FZD8: variants seen among roughly 807,000 people sequenced by gnomAD.
The protein encoded by FZD8 is frizzled class receptor 8.
Under a neutral mutation model 46.0 loss-of-function variants are expected in FZD8, and 18 were observed. The ratio of observed to expected loss-of-function variants is 0.39; its 90% CI spans 0.27 to 0.58. The LOEUF is 0.58. Among genes scored for constraint, FZD8 ranks in the 20% least tolerant of loss-of-function variants. The pLI, the probability that FZD8 is intolerant of heterozygous loss-of-function variation, is 0.55. For missense variants in FZD8, 785 were observed against 983.4 expected, an observed-to-expected ratio of 0.80 and a Z score of 2.70; for synonymous variants, 586 against 467.9, an observed-to-expected ratio of 1.25 and a Z score of -3.26.
At position 35,640,734 on chromosome 10, in the gene FZD8, G is replaced by A. The variant is rs147224551; in HGVS notation, c.696C>T (p.Cys232=). The A allele has an allele frequency of 1.4e-4, 200 of 1,386,420 alleles. No homozygotes were observed. The African/African-American group carries it at 2.7e-3, about 19-fold the overall frequency. The allele number at this position is 1,386,420 out of a possible 1,614,324, so 85.9% of individuals were successfully genotyped here. Residue 232 remains cysteine, a synonymous_variant, in exon 1 of 1, where the codon TGC becomes TGT. Transcript: ENST00000374694. Reference sequence around the variant, plus strand: ...CGCTCACCATAGGCGCGCGGCACTGGCACCCGGGCTCGCAGGGAGCCGCGC... The same window carrying A: ...CGCTCACCATAGGCGCGCGGCACTGACACCCGGGCTCGCAGGGAGCCGCGC... The part of the protein sequence containing the change: ...GGGAAPCEPG[C]QCRAPMVSVS...
In FZD8 at chr10:35,638,422, T is replaced by C. The variant is rs1482431340; in HGVS notation, c.*923A>G. 6.5e-6 allele frequency: 1 copy of C among 152,710 alleles called. No homozygotes were observed. The highest frequency in any genetic ancestry group is 2.4e-5 in the African/African-American group (1 of 41,462). 9.5% of individuals were successfully genotyped at this position (152,710 alleles called of 1,614,324 possible). A position where few individuals can be genotyped will look rare whatever the true frequency, so the allele number is the denominator to read the frequency against. The stretch of plus-strand genomic sequence containing the variant: ...TTGGGGAAGGTGCAAAAACTCAATT[T>C]TGATTTCAGTTCAACAATGATATTT... On this transcript the variant is annotated 3_prime_UTR_variant, in exon 1 of 1. Transcript: ENST00000374694.
Position 35,640,176 on chromosome 10 carries a change from C to G in FZD8, c.1254G>C (p.Ser418=). 1.9e-6 allele frequency: 3 copies of G among 1,613,200 alleles called. No individual in the cohort carries two copies. Among genetic ancestry groups the G allele is most frequent in the Non-Finnish European group, 2.5e-6 (3 of 1,179,816 alleles). Residue 418 remains serine, a synonymous_variant, in exon 1 of 1, where the codon TCG becomes TCC. Transcript: ENST00000374694. ...TACCGGCCGCCAGGAACCATGTGAG[C>G]GACAAGATCACCCACCAGATGGAGC... The part of the protein sequence containing the change: ...MASSIWWVIL[S]LTWFLAAGMK...
chr10:35,640,576 G>T lies in FZD8; in HGVS notation c.854C>A (p.Ser285Ter). Residue 285 changes from serine (S) to a stop codon, truncating the protein, a stop_gained, in exon 1 of 1, where the codon TCG becomes TAG. Transcript: ENST00000374694. LOFTEE classifies it high-confidence loss of function. ...AFTVFWIGLW[S>*]VLCFVSTFAT... ...GAAGGTGGACACGAAGCAGAGCACCGACCACAGGCCGATCCAGAAGACGGT... is the reference window on the plus strand; with the variant it reads ...GAAGGTGGACACGAAGCAGAGCACCTACCACAGGCCGATCCAGAAGACGGT... The T allele has an allele frequency of 6.3e-7, 1 of 1,588,350 alleles. No homozygotes were observed.
Position 35,639,437 on chromosome 10 carries a change from G to A in FZD8, c.1993C>T (p.Leu665Phe). The change falls in exon 1 of 1, where the codon CTC (leucine) becomes TTC (phenylalanine). Residue 665 changes from leucine to phenylalanine, a missense_variant. Coordinates refer to ENST00000374694, the MANE Select transcript of FZD8 (RefSeq NM_031866.3). ...AGGCCAGTGCTGACGTCGCTGTAGA[G>A]GGAGCCCCCGCCGCCGCCCGGCCCC... The part of the protein sequence containing the change: ...GGGPGGGGGS[L>F]YSDVSTGLTW... 4 of 1,216,730 alleles carry A rather than the reference G, an allele frequency of 3.3e-6. No homozygotes were observed. The highest frequency in any genetic ancestry group is 3.1e-5 in the Admixed American group (1 of 31,840). 75.4% of individuals were successfully genotyped at this position (1,216,730 alleles called of 1,614,324 possible).
chr10:35,640,088 C>G lies in FZD8; in HGVS notation c.1342G>C (p.Val448Leu). Reference protein sequence around the residue: ...SQYFHLAAWLVPSVKSIAVLA... With the variant: ...SQYFHLAAWLLPSVKSIAVLA... ...ACCGCGATGGACTTGACGCTGGGCA[C>G]AAGCCACGCGGCCAGGTGGAAGTAC... Residue 448 changes from valine to leucine, a missense_variant, in exon 1 of 1, where the codon GTG becomes CTG. This residue lies in a region of FZD8 where 147 missense variants were observed against 242.5 expected (regional missense o/e 0.61). Transcript: ENST00000374694. The G allele has an allele frequency of 6.2e-7, 1 of 1,611,054 alleles. No individual in the cohort carries two copies. The highest frequency in any genetic ancestry group is 1.1e-5 in the South Asian group (1 of 90,860).
Position 35,639,311 on chromosome 10 carries a change from T to TGGGGC in FZD8, c.*33_*34insGCCCC. 1 of 277,082 alleles carries TGGGGC rather than the reference T, an allele frequency of 3.6e-6. No individual in the cohort carries two copies. The highest frequency in any genetic ancestry group is 7.5e-6 in the Non-Finnish European group (1 of 132,478). The allele number at this position is 277,082 out of a possible 1,614,324, so 17.2% of individuals were successfully genotyped here. ...CTGCACTTGGCTCTCCTCGCCCCCC[T>TGGGGC]CCCCACCCCTCCTGGGCGCCCCCTC... is the stretch of plus-strand genomic sequence containing the variant. On this transcript the variant is annotated 3_prime_UTR_variant, in exon 1 of 1. Coordinates refer to ENST00000374694, the MANE Select transcript of FZD8 (RefSeq NM_031866.3).
chr10:35,639,868 G>T lies in FZD8; in HGVS notation c.1562C>A (p.Thr521Asn). 6.2e-7 allele frequency: 1 copy of T among 1,611,060 alleles called. No homozygotes were observed. Residue 521 changes from threonine to asparagine, a missense_variant, in exon 1 of 1, where the codon ACC becomes AAC. Physicochemically the swap from Thr to Asn is moderately conservative, Grantham distance 65. Around this residue, in one of 5 missense-constraint regions of FZD8, gnomAD observed 147 missense variants for 242.5 expected, o/e 0.61. Coordinates refer to ENST00000374694, the MANE Select transcript of FZD8 (RefSeq NM_031866.3). ...CAGCTTCTCCAGCTTGTGCGTCTTG[G>T]TGGGGCCGTCCTGTTGCTTGATGAC... ...RSVIKQQDGPTKTHKLEKLMI... is the reference protein window; with the variant it reads ...RSVIKQQDGPNKTHKLEKLMI...
At position 35,641,338 on chromosome 10, in the gene FZD8, T is replaced by C; in HGVS notation, c.92A>G (p.Lys31Arg). Residue 31 changes from lysine (K) to arginine (R), a missense_variant, in exon 1 of 1, where the codon AAG becomes AGG. Physicochemically the swap from Lys to Arg is conservative, Grantham distance 26. Around this residue, in one of 5 missense-constraint regions of FZD8, gnomAD observed 354 missense variants for 433.2 expected, o/e 0.82. Transcript: ENST00000374694. This position sits in a 1 kb window ranked among gnomAD's most constrained non-coding sequence, Gnocchi z 6.3. ...GGTGATCTCTTGGCATGCCAGCTCCTTGGCCGAGGCGGCCGCAGCGCCGCT... is the reference window on the plus strand; with the variant it reads ...GGTGATCTCTTGGCATGCCAGCTCCCTGGCCGAGGCGGCCGCAGCGCCGCT... ...RSSGAAAASA[K>R]ELACQEITVP... is the part of the protein sequence containing the mutation. The C allele has an allele frequency of 6.2e-7, 1 of 1,613,806 alleles. No homozygotes were observed.
At position 35,638,652 on chromosome 10, in the gene FZD8, C is replaced by G. The variant is rs1220741721; in HGVS notation, c.*693G>C. Reference sequence around the variant, plus strand: ...GTCATTTTATTGACAAAATAGAATACTTATATCTGTTCTTACAGGGGTAAG... The same window carrying G: ...GTCATTTTATTGACAAAATAGAATAGTTATATCTGTTCTTACAGGGGTAAG... On this transcript the variant is annotated 3_prime_UTR_variant, in exon 1 of 1. Transcript: ENST00000374694. The G allele has an allele frequency of 6.6e-6, 1 of 152,280 alleles. No homozygotes were observed. The highest frequency in any genetic ancestry group is 2.4e-5 in the African/African-American group (1 of 41,382). The allele number at this position is 152,280 out of a possible 1,614,324, so 9.4% of individuals were successfully genotyped here.
chr10:35,640,131 G>T lies in FZD8; in HGVS notation c.1299C>A (p.Ala433=). 6.2e-7 allele frequency: 1 copy of T among 1,613,174 alleles called. No homozygotes were observed. Residue 433 remains alanine (A), a synonymous_variant, in exon 1 of 1, where the codon GCC becomes GCA. Transcript: ENST00000374694. ...LAAGMKWGNE[A]IAGYSQYFHL... ...GGAAGTACTGCGAGTAGCCGGCGAT[G>T]GCTTCGTTGCCCCACTTCATACCGG...
Position 35,639,365 on chromosome 10 carries a change from T to A in FZD8, c.2065A>T (p.Met689Leu), listed in dbSNP as rs780407889. The A allele has an allele frequency of 4.7e-5, 67 of 1,439,854 alleles. No individual in the cohort carries two copies. In the African/African-American group the frequency reaches 9.3e-4, roughly 20 times the overall value. The allele number at this position is 1,439,854 out of a possible 1,614,324, so 89.2% of individuals were successfully genotyped here. A position where few individuals can be genotyped will look rare whatever the true frequency, so the allele number is the denominator to read the frequency against. The change falls in exon 1 of 1, where the codon ATG becomes TTG. Residue 689 changes from methionine (M) to leucine (L), a missense_variant. Physicochemically the swap from Met to Leu is conservative, Grantham distance 15. Around this residue, in one of 5 missense-constraint regions of FZD8, gnomAD observed 185 missense variants for 180.8 expected, o/e 1.02. Coordinates refer to ENST00000374694, the MANE Select transcript of FZD8 (RefSeq NM_031866.3). ...TCCGCTCAGACCTGGGACAATGGCA[T>A]CTGCTTTGGATAAGACACGGAGCTC... ...TASSVSYPKQ[M>L]PLSQV
In FZD8 at chr10:35,639,313, C is replaced by CCCCCCCCCCCCCGGGGG; in HGVS notation, c.*31_*32insCCCCCGGGGGGGGGGGG. On this transcript the variant is annotated 3_prime_UTR_variant, in exon 1 of 1. Coordinates refer to ENST00000374694, the MANE Select transcript of FZD8 (RefSeq NM_031866.3). Reference sequence around the variant, plus strand: ...GCACTTGGCTCTCCTCGCCCCCCTCCCCACCCCTCCTGGGCGCCCCCTCCC... The same window carrying CCCCCCCCCCCCCGGGGG: ...GCACTTGGCTCTCCTCGCCCCCCTCCCCCCCCCCCCCCGGGGGCCACCCCTCCTGGGCGCCCCCTCCC... The CCCCCCCCCCCCCGGGGG allele has an allele frequency of 1.1e-6, 1 of 936,818 alleles. No homozygotes were observed. The highest frequency in any genetic ancestry group is 1.5e-6 in the Non-Finnish European group (1 of 658,994). The allele number at this position is 936,818 out of a possible 1,614,324, so 58.0% of individuals were successfully genotyped here. A position where few individuals can be genotyped will look rare whatever the true frequency, so the allele number is the denominator to read the frequency against.
At position 35,642,245 on chromosome 10, in the gene FZD8, C is replaced by T. The variant is rs1436974574; in HGVS notation, c.-816G>A. 1 of 152,924 alleles carries T rather than the reference C, an allele frequency of 6.5e-6. No homozygotes were observed. Among genetic ancestry groups the T allele is most frequent in the Non-Finnish European group, 1.5e-5 (1 of 68,664 alleles). 9.5% of individuals were successfully genotyped at this position (152,924 alleles called of 1,614,324 possible). A position where few individuals can be genotyped will look rare whatever the true frequency, so the allele number is the denominator to read the frequency against. ...GCCCGCGCCCAGCCGCCGCCTCCTC[C>T]TCGGCGGGAGCAGCGCCCTTAGCCC... On this transcript the variant is annotated 5_prime_UTR_variant, in exon 1 of 1. Coordinates refer to ENST00000374694, the MANE Select transcript of FZD8 (RefSeq NM_031866.3).
In FZD8 at chr10:35,640,650, G is replaced by A. The variant is rs1238034962; in HGVS notation, c.780C>T (p.Cys260=). 3.2e-6 allele frequency: 5 copies of A among 1,580,524 alleles called. No individual in the cohort carries two copies. Among genetic ancestry groups the A allele is most frequent in the Non-Finnish European group, 3.4e-6 (4 of 1,161,504 alleles). ...NRVKTGQIAN[C]ALPCHNPFFS... The stretch of plus-strand genomic sequence containing the variant: ...AAAAGGGGTTGTGGCAGGGCAGCGC[G>A]CAGTTAGCGATCTGGCCTGTCTTGA... Residue 260 remains cysteine, a synonymous_variant, in exon 1 of 1, where the codon TGC becomes TGT. Coordinates refer to ENST00000374694, the MANE Select transcript of FZD8 (RefSeq NM_031866.3).
At position 35,639,304 on chromosome 10, in the gene FZD8, G is replaced by GGCCCCCCCCCC; in HGVS notation, c.*40_*41insGGGGGGGGGGC. ...CCCTTCGCTGCACTTGGCTCTCCTC[G>GGCCCCCCCCCC]CCCCCCTCCCCACCCCTCCTGGGCG... On this transcript the variant is annotated 3_prime_UTR_variant, in exon 1 of 1. Coordinates refer to ENST00000374694, the MANE Select transcript of FZD8 (RefSeq NM_031866.3). The GGCCCCCCCCCC allele has an allele frequency of 1.2e-6, 1 of 826,702 alleles. No homozygotes were observed. The highest frequency in any genetic ancestry group is 1.8e-6 in the Non-Finnish European group (1 of 565,360). The allele number at this position is 826,702 out of a possible 1,614,324, so 51.2% of individuals were successfully genotyped here. A position where few individuals can be genotyped will look rare whatever the true frequency, so the allele number is the denominator to read the frequency against.
Position 35,640,170 on chromosome 10 carries a change from T to G in FZD8, c.1260A>C (p.Thr420=). The G allele has an allele frequency of 6.2e-7, 1 of 1,613,196 alleles. No individual in the cohort carries two copies. Among genetic ancestry groups the G allele is most frequent in the Non-Finnish European group, 8.5e-7 (1 of 1,179,856 alleles). ...SSIWWVILSL[T]WFLAAGMKWG... is the part of the protein sequence containing the mutation. ...ACTTCATACCGGCCGCCAGGAACCA[T>G]GTGAGCGACAAGATCACCCACCAGA... The change falls in exon 1 of 1, where the codon ACA becomes ACC. Residue 420 remains threonine, a synonymous_variant. Coordinates refer to ENST00000374694, the MANE Select transcript of FZD8 (RefSeq NM_031866.3).
At position 35,642,014 on chromosome 10, in the gene FZD8, G is replaced by T; in HGVS notation, c.-585C>A. The T allele has an allele frequency of 6.4e-6, 1 of 155,970 alleles. No homozygotes were observed. The highest frequency in any genetic ancestry group is 1.4e-5 in the Non-Finnish European group (1 of 70,602). The allele number at this position is 155,970 out of a possible 1,614,324, so 9.7% of individuals were successfully genotyped here. A position where few individuals can be genotyped will look rare whatever the true frequency, so the allele number is the denominator to read the frequency against. ...CCGCCGCCGCCGCCGCCGGAGTTGGGGACCCGCCTCGGCCCAGGCCGCCGC... is the reference window on the plus strand; with the variant it reads ...CCGCCGCCGCCGCCGCCGGAGTTGGTGACCCGCCTCGGCCCAGGCCGCCGC... On this transcript the variant is annotated 5_prime_UTR_variant, in exon 1 of 1. Transcript: ENST00000374694.
chr10:35,641,488 G>GT lies in FZD8; in HGVS notation c.-60_-59insA. 2.0e-6 allele frequency: 3 copies of GT among 1,513,840 alleles called. No homozygotes were observed. The highest frequency in any genetic ancestry group is 1.3e-5 in the South Asian group (1 of 78,290). The allele number at this position is 1,513,840 out of a possible 1,614,324, so 93.8% of individuals were successfully genotyped here. On this transcript the variant is annotated 5_prime_UTR_variant, in exon 1 of 1. Transcript: ENST00000374694. This position sits in a 1 kb window ranked among gnomAD's most constrained non-coding sequence, Gnocchi z 6.3. ...AGGCGGCGCGCAGAGGGGTGCCGGG[G>GT]GGGGGGCCCACGAGAGAGCCGCAGA...
In FZD8 at chr10:35,640,296, C is replaced by A; in HGVS notation, c.1134G>T (p.Glu378Asp). ...GGPGGRGEYEELGAVEQHVRY... is the reference protein window; with the variant it reads ...GGPGGRGEYEDLGAVEQHVRY... Reference sequence around the variant, plus strand: ...GCACGTGCTGCTCCACCGCGCCCAGCTCCTCGTACTCGCCGCGCCCGCCCG... The same window carrying A: ...GCACGTGCTGCTCCACCGCGCCCAGATCCTCGTACTCGCCGCGCCCGCCCG... The change falls in exon 1 of 1, where the codon GAG (glutamate) becomes GAT (aspartate). Residue 378 changes from glutamate to aspartate, a missense_variant. Transcript: ENST00000374694. 1 of 1,514,956 alleles carries A rather than the reference C, an allele frequency of 6.6e-7. No homozygotes were observed. Among genetic ancestry groups the A allele is most frequent in the East Asian group, 2.6e-5 (1 of 38,820 alleles). The allele number at this position is 1,514,956 out of a possible 1,614,324, so 93.8% of individuals were successfully genotyped here.
Sources: gnomAD v4.1 joint callset for allele counts on GRCh38, gnomAD v4.1.1 for gene constraint, gnomAD v4.1.1 regional missense constraint, Gnocchi (gnomAD v3.1) non-coding constraint, MANE v1.5 for transcripts, NCBI Gene and HGNC (gene_info 2026-07-23, HGNC 2026-07-21) for gene names.